The following VWA8 variants were observed in gnomAD, a reference collection of about 807,000 sequenced individuals.
VWA8 encodes the protein von Willebrand factor A domain containing 8.
A neutral mutation model predicts 241.5 loss-of-function variants in VWA8; 221 were observed. The observed-to-expected ratio is 0.91, with a 90% CI of 0.82 to 1.02. VWA8 has a LOEUF of 1.02. Ranked by LOEUF, VWA8 falls within the 50% of genes least tolerant of loss-of-function variation. The pLI is 0.00. For synonymous variants in VWA8, 852 were observed against 827.1 expected, an observed-to-expected ratio of 1.03 and a Z score of -0.52; for missense variants, 2,322 against 2,328.7, an observed-to-expected ratio of 1.00 and a Z score of 0.06.
At chr13:41,675,377 C>A in intron 35 of VWA8, 81 bp from the exon 36 acceptor site, 1 of 1,031,160 alleles carries the variant, frequency 9.7e-7, no homozygotes, top group South Asian at 1.4e-5. Context: ...ATCAAGTTAT[C>A]TGTAGCCTAG....
rs2045736501 is a variant in VWA8, at chr13:41,761,149, C to CG, written c.2404dup (p.Arg802ProfsTer22). The CG allele has an allele frequency of 1.2e-6, 2 of 1,611,556 alleles. No homozygotes were observed. Among genetic ancestry groups the CG allele is most frequent in the African/African-American group, 1.3e-5 (1 of 74,848 alleles). On this transcript the variant is annotated frameshift_variant, in exon 21 of 45. Transcript: ENST00000379310. LOFTEE classifies it high-confidence loss of function. Reference sequence around the variant, plus strand: ...TTACCTGTGTAGCTGAATATATTCTCGGGGTCTGTTGAGCAGGTGAAGGAA... The same window carrying CG: ...TTACCTGTGTAGCTGAATATATTCTCGGGGGTCTGTTGAGCAGGTGAAGGAA...
chr13:41,893,438 C>T (rs1023126593), intron 4 of VWA8, among the ~76,000 whole-genome samples: 1 of 150,014 alleles, frequency 6.7e-6, no homozygotes, highest in Non-Finnish European at 1.5e-5. Flanking sequence ...ACCAGAGTAG[C>T]CATCTTGTTC....
At chr13:41,875,946 C>T (rs1241732346) in intron 9 of VWA8, among the ~76,000 whole-genome samples, 1 of 151,978 alleles carries the variant, frequency 6.6e-6, no homozygotes, top group Non-Finnish European at 1.5e-5. Flanking sequence ...ATTCCCTCCA[C>T]CTCCATATTC....
intron 20 of VWA8, among the ~76,000 whole-genome samples, chr13:41,763,257 A>G (rs1454120252): frequency 6.6e-6 from 1 of 151,926 alleles, no homozygotes; most frequent in Non-Finnish European, 1.5e-5. Flanking sequence ...CCACTACATT[A>G]CAGCCTGGTG....
At chr13:41,727,145 A>ATAT (rs1315303345) in intron 24 of VWA8, 49 bp downstream of exon 24, 3 of 1,403,006 alleles carry the variant, frequency 2.1e-6, no homozygotes, top group Non-Finnish European at 2.9e-6. Flanking sequence ...AGTGTTACTA[A>ATAT]TATTATTATT....
intron 21 of VWA8, among the ~76,000 whole-genome samples, chr13:41,739,827 G>GTTTTTTTTTTTTTTTTTTTTTTTTT (rs779464048): frequency 2.2e-5 from 2 of 88,988 alleles, no homozygotes; most frequent in African/African-American, 3.4e-5. Flanking sequence ...TTGTTTTTTT[G>GTTTTTTTTTTTTTTTTTTTTTTTTT]TTTTTTTTTT....
At chr13:41,569,003 T>C (rs572221684) in intron 44 of VWA8, among the ~76,000 whole-genome samples, 3 of 151,208 alleles carry the variant, frequency 2.0e-5, no homozygotes, top group South Asian at 4.1e-4. Context: ...ATTTATAATT[T>C]GGAACAAAAG....
rs1321442211 is a variant in VWA8, at chr13:41,868,401, T to C, written c.1157A>G (p.His386Arg). ...GATGGTCACAGAAGCTTGGGACACATGGTTTTCCATCATCTTCTCTACTTT... is the reference window on the plus strand; with the variant it reads ...GATGGTCACAGAAGCTTGGGACACACGGTTTTCCATCATCTTCTCTACTTT... ...IVKVEKMMEN[H>R]VSQASVTIRI... The change falls in exon 10 of 45, where the codon CAT becomes CGT. Residue 386 changes from histidine to arginine, a missense_variant. By Grantham distance (29) the His-to-Arg change is conservative (BLOSUM62 0). Transcript: ENST00000379310. The C allele has an allele frequency of 1.9e-6, 3 of 1,614,124 alleles. No individual in the cohort carries two copies. The highest frequency in any genetic ancestry group is 2.5e-6 in the Non-Finnish European group (3 of 1,180,010).
At chr13:41,898,869 T>C (rs1208057773) in intron 4 of VWA8, among the ~76,000 whole-genome samples, 1 of 150,930 alleles carries the variant, frequency 6.6e-6, no homozygotes, top group East Asian at 2.0e-4. Flanking sequence ...GGCCGGCTGC[T>C]CCGAGTGTGG....
At chr13:41,635,678 G>A (rs555678618) in intron 37 of VWA8, among the ~76,000 whole-genome samples, 2 of 152,146 alleles carry the variant, frequency 1.3e-5, no homozygotes, top group East Asian at 1.9e-4. Context: ...CAGAGAGCAG[G>A]TGGGATCCTC....
At chr13:41,628,807 C>A (rs964784347) in intron 37 of VWA8, among the ~76,000 whole-genome samples, 1 of 152,094 alleles carries the variant, frequency 6.6e-6, no homozygotes, top group Admixed American at 6.6e-5. Flanking sequence ...CTTTGGGAGG[C>A]CAAGGTGGGC....
At chr13:41,716,416 T>C (rs1399299790) in intron 26 of VWA8, among the ~76,000 whole-genome samples, 1 of 152,044 alleles carries the variant, frequency 6.6e-6, no homozygotes, top group Non-Finnish European at 1.5e-5. Context: ...CATCTCTCTT[T>C]TGGGAATTTT....
chr13:41,729,493 T>A (rs902247104), intron 23 of VWA8, 49 bp downstream of exon 23: 1 of 1,568,734 alleles, frequency 6.4e-7, no homozygotes, highest in African/African-American at 1.4e-5. Context: ...GATACAGAGA[T>A]ATAAACATTG....
intron 5 of VWA8, among the ~76,000 whole-genome samples, chr13:41,889,746 A>G (rs531282355): frequency 6.6e-6 from 1 of 152,322 alleles, no homozygotes; most frequent in Non-Finnish European, 1.5e-5. Flanking sequence ...AACTTTGCAC[A>G]GAATTCTACT....
chr13:41,811,707 C>T (rs1422188195), intron 16 of VWA8, among the ~76,000 whole-genome samples: 1 of 152,052 alleles, frequency 6.6e-6, no homozygotes. Flanking sequence ...TGTTAAGATA[C>T]CACGGAAATG....
chr13:41,717,297 GAATATTTA>G, intron 26 of VWA8, among the ~76,000 whole-genome samples: 1 of 150,712 alleles, frequency 6.6e-6, no homozygotes, highest in Non-Finnish European at 1.5e-5. Context: ...TTAAATATTT[GAATATTTA>G]AATATTCAAA....
rs1417162651 is a variant in VWA8 at position 41,802,534 on chromosome 13, GTCC to G, written c.2063+8688_2063+8690del. On this transcript the variant is annotated intron_variant, in intron 17 of 44. Coordinates refer to ENST00000379310, the MANE Select transcript of VWA8 (RefSeq NM_015058.2). The stretch of plus-strand genomic sequence containing the variant: ...GGACAGCCAAGGCAGTGCTTGCACT[GTCC>G]CTTCCTCAACTCCAGGCAGCACAGC... Among the ~76,000 whole-genome samples the G allele has an allele frequency of 5.3e-5, 8 of 152,336 alleles. No individual in the cohort carries two copies. In the East Asian group the frequency reaches 1.2e-3, roughly 22 times the overall value.
intron 40 of VWA8, among the ~76,000 whole-genome samples, chr13:41,591,054 T>G (rs560917281): frequency 5.3e-5 from 8 of 152,344 alleles, no homozygotes; most frequent in African/African-American, 1.9e-4. Context: ...GGGGGCGCAT[T>G]TCTTACAGAT....
rs1021299535 is a variant in VWA8, at chr13:41,613,660, C to G, written c.4720+1316G>C. Among the ~76,000 whole-genome samples the G allele has an allele frequency of 3.3e-5, 5 of 152,218 alleles. No homozygotes were observed. The East Asian group carries it at 9.7e-4, about 29-fold the overall frequency. Reference sequence around the variant, plus strand: ...TCTTCATGATCTCCACTTCCCAGAGCCTTTAATTTGTACTATTTAAATGAA... The same window carrying G: ...TCTTCATGATCTCCACTTCCCAGAGGCTTTAATTTGTACTATTTAAATGAA... On this transcript the variant is annotated intron_variant, in intron 38 of 44. Coordinates refer to ENST00000379310, the MANE Select transcript of VWA8 (RefSeq NM_015058.2).
Sources: allele counts gnomAD v4.1 joint callset (sites outside exome capture counted in the v4.1 genomes callset), GRCh38; gene constraint gnomAD v4.1.1; transcripts MANE v1.5; gene names NCBI Gene and HGNC (gene_info 2026-07-23, HGNC 2026-07-21).